KCNB2: variants seen among roughly 807,000 people sequenced by gnomAD.
The protein encoded by KCNB2 is potassium voltage-gated channel subfamily B member 2, also known as delayed rectifier potassium channel protein.
A neutral mutation model predicts 61.5 loss-of-function variants in KCNB2; 15 were observed. The ratio of observed to expected loss-of-function variants is 0.24; its 90% confidence interval spans 0.16 to 0.38. KCNB2 has a LOEUF of 0.38. Ranked by LOEUF, KCNB2 falls within the 10% of genes least tolerant of loss-of-function variation. The pLI is 1.00. For missense variants in KCNB2, 828 were observed against 1,125.2 expected (o/e 0.74, Z 3.78); for synonymous variants, 457 against 446.0 (o/e 1.02, Z -0.31).
At chr8:72,841,489 T>C (rs1057159520) in intron 2 of KCNB2, among the ~76,000 whole-genome samples, 7 of 151,574 alleles carry the variant, frequency 4.6e-5, no homozygotes, top group Non-Finnish European at 8.8e-5. Context: ...GGTAGCTTGA[T>C]GGGGATAGCA....
chr8:72,586,681 G>T (rs1267967072), intron 2 of KCNB2, among the ~76,000 whole-genome samples: 1 of 152,166 alleles, frequency 6.6e-6, no homozygotes, highest in Non-Finnish European at 1.5e-5. Flanking sequence ...AAAAACTAAA[G>T]CTTAGAGAGA....
intron 2 of KCNB2, among the ~76,000 whole-genome samples, chr8:72,740,505 T>A (rs1332938715): frequency 1.3e-5 from 2 of 152,126 alleles, no homozygotes; most frequent in African/African-American, 4.8e-5. Flanking sequence ...GTCATTCATA[T>A]CTCATATGAA....
intron 2 of KCNB2, among the ~76,000 whole-genome samples, chr8:72,666,875 T>C (rs1041999219): frequency 7.5e-5 from 8 of 106,322 alleles, no homozygotes; most frequent in African/African-American, 4.0e-4. Context: ...TTCTTATCTG[T>C]TTTTGTTGCT....
intron 2 of KCNB2, among the ~76,000 whole-genome samples, chr8:72,659,574 T>C (rs11989854): frequency 0.015 from 2,244 of 152,362 alleles, 45 homozygotes; most frequent in African/African-American, 0.052. Context: ...AGATGCACAT[T>C]GAAACTGTGA....
At chr8:72,577,670 G>A (rs1243240945) in intron 2 of KCNB2, among the ~76,000 whole-genome samples, 10 of 152,094 alleles carry the variant, frequency 6.6e-5, no homozygotes, top group African/African-American at 2.2e-4. Context: ...TGGGTCACTC[G>A]TGATGCAACC....
At chr8:72,793,004 C>T (rs1459374237) in intron 2 of KCNB2, among the ~76,000 whole-genome samples, 5 of 152,172 alleles carry the variant, frequency 3.3e-5, no homozygotes, top group South Asian at 2.1e-4. Flanking sequence ...CAAAGAATGA[C>T]GGTTTGAAAC....
intron 2 of KCNB2, among the ~76,000 whole-genome samples, chr8:72,854,245 A>C (rs776684253): frequency 1.4e-4 from 21 of 152,174 alleles, no homozygotes; most frequent in Admixed American, 4.6e-4. Flanking sequence ...AGGCAAAATA[A>C]ATTGGAATGA....
chr8:72,544,213 T>G (rs973453994), intron 1 of KCNB2, among the ~76,000 whole-genome samples: 2 of 152,138 alleles, frequency 1.3e-5, no homozygotes, highest in Non-Finnish European at 2.9e-5. Flanking sequence ...AGCAATGTCA[T>G]AAAAAAGGGC....
chr8:72,849,509 G>A (rs1184247781), intron 2 of KCNB2, among the ~76,000 whole-genome samples: 1 of 152,030 alleles, frequency 6.6e-6, no homozygotes, highest in Non-Finnish European at 1.5e-5. Context: ...CTAATGCTAA[G>A]CACACATATT....
intron 2 of KCNB2, among the ~76,000 whole-genome samples, chr8:72,641,066 C>A (rs1806047879): frequency 6.6e-6 from 1 of 151,992 alleles, no homozygotes; most frequent in Admixed American, 6.6e-5. Context: ...AAAATGGAAG[C>A]AAAAGTGCAG....
At chr8:72,864,196 C>T (rs1805470392) in intron 2 of KCNB2, among the ~76,000 whole-genome samples, 1 of 152,038 alleles carries the variant, frequency 6.6e-6, no homozygotes, top group African/African-American at 2.4e-5. Context: ...GTGGCCAAGG[C>T]AAAGGATCAG....
chr8:72,646,414 G>C (rs1195819818), intron 2 of KCNB2, among the ~76,000 whole-genome samples: 1 of 152,064 alleles, frequency 6.6e-6, no homozygotes, highest in Non-Finnish European at 1.5e-5. Context: ...CTCTTTCAAA[G>C]AACTGAAGGA....
intron 2 of KCNB2, among the ~76,000 whole-genome samples, chr8:72,849,581 A>T (rs187885020): frequency 3.3e-4 from 51 of 152,322 alleles, no homozygotes; most frequent in African/African-American, 1.2e-3. Context: ...ATCATCACTT[A>T]AAAAAGAGAA....
intron 2 of KCNB2, among the ~76,000 whole-genome samples, chr8:72,607,683 TCTC>T (rs1478903213): frequency 1.3e-5 from 2 of 152,176 alleles, no homozygotes; most frequent in African/African-American, 2.4e-5. Flanking sequence ...TATAGAAAAT[TCTC>T]CTCTAGTCTC....
At chr8:72,764,645 A>G (rs1808434235) in intron 2 of KCNB2, among the ~76,000 whole-genome samples, 1 of 152,198 alleles carries the variant, frequency 6.6e-6, no homozygotes, top group Non-Finnish European at 1.5e-5. Context: ...TGTTTTGACC[A>G]TCATATATAG....
At chr8:72,565,175 A>G (rs1806605644) in intron 1 of KCNB2, among the ~76,000 whole-genome samples, 2 of 151,678 alleles carry the variant, frequency 1.3e-5, no homozygotes, top group Non-Finnish European at 2.9e-5. Flanking sequence ...TATTCCTGTA[A>G]CTCTGTAGTT....
intron 2 of KCNB2, among the ~76,000 whole-genome samples, chr8:72,594,331 C>CT (rs1286012728): frequency 6.6e-6 from 1 of 152,092 alleles, no homozygotes; most frequent in Admixed American, 6.5e-5. Context: ...GAGCATTATT[C>CT]AAATGGTCCA....
At chr8:72,543,646 T>A (rs1806221768) in intron 1 of KCNB2, among the ~76,000 whole-genome samples, 1 of 152,198 alleles carries the variant, frequency 6.6e-6, no homozygotes, top group Non-Finnish European at 1.5e-5. Flanking sequence ...AAACATGCTA[T>A]GAACAATAGG....
intron 2 of KCNB2, among the ~76,000 whole-genome samples, chr8:72,720,049 A>G (rs1807522516): frequency 6.6e-6 from 1 of 152,170 alleles, no homozygotes; most frequent in African/African-American, 2.4e-5. Context: ...TGGGCTAATT[A>G]CCCATTTTAT....
Sources: gnomAD v4.1 joint callset for allele counts (sites outside exome capture counted in the v4.1 genomes callset) on GRCh38, gnomAD v4.1.1 for gene constraint, MANE v1.5 for transcripts, NCBI Gene and HGNC (gene_info 2026-07-23, HGNC 2026-07-21) for gene names.